ACTR3C: variants seen among roughly 807,000 people sequenced by gnomAD.
ACTR3C encodes the protein actin-related protein 3C.
A neutral mutation model predicts 26.3 loss-of-function variants in ACTR3C; 18 were observed. The observed-to-expected ratio is 0.68, with a 90% CI of 0.47 to 1.01. The LOEUF is 1.01. ACTR3C is among the 50% of genes least tolerant of loss of function. The probability of loss-of-function intolerance (pLI) is 0.00; values close to 1 mark genes in which losing one functional copy is unlikely to be tolerated. For synonymous variants in ACTR3C, 55 were observed against 94.5 expected (o/e 0.58, Z 2.42); for missense variants, 184 against 250.7 (o/e 0.73, Z 1.80).
At chr7:150,160,706 C>A in the ACTR3C span, among the ~76,000 whole-genome samples, 1 of 151,902 alleles carries the variant, frequency 6.6e-6, no homozygotes, top group Non-Finnish European at 1.5e-5. Context: ...CCCTGAATTG[C>A]AGGAGCTTAG....
At chr7:150,160,761 C>T in the ACTR3C span, among the ~76,000 whole-genome samples, 1 of 151,932 alleles carries the variant, frequency 6.6e-6, no homozygotes, top group African/African-American at 2.4e-5. Flanking sequence ...ACCTCCTTCA[C>T]CTGTGTTCCT....
At chr7:149,999,866 T>C in the ACTR3C span, among the ~76,000 whole-genome samples, 2 of 152,222 alleles carry the variant, frequency 1.3e-5, no homozygotes, top group Middle Eastern at 3.4e-3. Context: ...CCAGCCTTGC[T>C]ACACAACCAT....
At chr7:150,321,133 A>T (rs1265134857) in intron 1 of ACTR3C, among the ~76,000 whole-genome samples, 1 of 152,180 alleles carries the variant, frequency 6.6e-6, no homozygotes, top group African/African-American at 2.4e-5. Flanking sequence ...GCTTGTGTTC[A>T]GCAAAAATCT....
the ACTR3C span, among the ~76,000 whole-genome samples, chr7:149,926,867 A>T: frequency 2.2e-4 from 34 of 152,044 alleles, no homozygotes; most frequent in Middle Eastern, 0.014. Context: ...AGAGACCGAA[A>T]AAAATAAATG....
At chr7:150,192,437 G>A in the ACTR3C span, among the ~76,000 whole-genome samples, 8 of 152,156 alleles carry the variant, frequency 5.3e-5, no homozygotes, top group African/African-American at 1.4e-4. Flanking sequence ...AAGTAGCTAC[G>A]ATTGCAGGTG....
chr7:150,273,029 G>T (rs2129611125), intron 6 of ACTR3C, among the ~76,000 whole-genome samples: 1 of 142,068 alleles, frequency 7.0e-6, no homozygotes, highest in South Asian at 2.4e-4. Context: ...GGAAGAGTAA[G>T]TAAACATTTT....
intron 6 of ACTR3C, among the ~76,000 whole-genome samples, chr7:150,250,351 C>A (rs1046866976): frequency 2.0e-5 from 3 of 151,524 alleles, no homozygotes; most frequent in African/African-American, 7.3e-5. Flanking sequence ...CCACAGGCGC[C>A]CGCCACTACA....
chr7:150,198,528 C>T, the ACTR3C span, among the ~76,000 whole-genome samples: 128 of 145,058 alleles, frequency 8.8e-4, 1 homozygote, highest in African/African-American at 3.2e-3. Context: ...CGCCTCTGCC[C>T]GGCCGAGACC....
At chr7:150,300,208 A>T (rs1237117921) in intron 1 of ACTR3C, among the ~76,000 whole-genome samples, 5 of 152,020 alleles carry the variant, frequency 3.3e-5, no homozygotes, top group African/African-American at 1.2e-4. Context: ...AAAATTAGCC[A>T]GGCTTGGTGG....
intron 1 of ACTR3C, among the ~76,000 whole-genome samples, chr7:150,306,081 A>G (rs1390211858): frequency 1.3e-5 from 2 of 152,220 alleles, no homozygotes; most frequent in African/African-American, 4.8e-5. Flanking sequence ...AGCACACCAC[A>G]TGTAATACGA....
chr7:149,965,801 T>C, the ACTR3C span, among the ~76,000 whole-genome samples: 1 of 152,226 alleles, frequency 6.6e-6, no homozygotes, highest in African/African-American at 2.4e-5. Context: ...TCCAAACTTA[T>C]TAGATCATCT....
the ACTR3C span, among the ~76,000 whole-genome samples, chr7:149,999,727 C>T: frequency 6.6e-6 from 1 of 151,146 alleles, no homozygotes. Context: ...GCAGGCTGTG[C>T]AGTGTGGAGA....
chr7:149,999,978 T>C, the ACTR3C span, among the ~76,000 whole-genome samples: 8 of 150,344 alleles, frequency 5.3e-5, no homozygotes, highest in African/African-American at 1.5e-4. Flanking sequence ...TGGAATAATA[T>C]AGAAAGAATA....
At chr7:149,917,633 A>ATT in the ACTR3C span, among the ~76,000 whole-genome samples, 1 of 30,244 alleles carries the variant, frequency 3.3e-5, no homozygotes, top group African/African-American at 9.6e-5. Flanking sequence ...AGTGTTTTAC[A>ATT]TCTTTTTTTT....
chr7:150,276,626 A>T (rs1258957237), intron 6 of ACTR3C, among the ~76,000 whole-genome samples: 3 of 152,234 alleles, frequency 2.0e-5, no homozygotes, highest in Non-Finnish European at 4.4e-5. Flanking sequence ...ATGGGAAGAG[A>T]CATAACAATT....
chr7:150,161,221 T>TATATATATATATATATAC, the ACTR3C span, among the ~76,000 whole-genome samples: 1 of 125,640 alleles, frequency 8.0e-6, no homozygotes, highest in Non-Finnish European at 1.6e-5. Context: ...TATATATATA[T>TATATATATATATATATAC]ATATTTATTA....
At chr7:149,955,575 T>C in the ACTR3C span, among the ~76,000 whole-genome samples, 8 of 152,178 alleles carry the variant, frequency 5.3e-5, no homozygotes, top group African/African-American at 1.9e-4. Context: ...GTAAGGTGCA[T>C]ACGGTGTTTT....
chr7:150,179,607 TC>T, the ACTR3C span, among the ~76,000 whole-genome samples: 8 of 149,674 alleles, frequency 5.3e-5, no homozygotes, highest in Non-Finnish European at 1.2e-4. Flanking sequence ...CACCTTAGCC[TC>T]CCAAGTAGCT....
the ACTR3C span, among the ~76,000 whole-genome samples, chr7:150,229,620 G>A: frequency 2.0e-5 from 3 of 151,540 alleles, no homozygotes; most frequent in Non-Finnish European, 4.4e-5. Flanking sequence ...GAGTAGCTGG[G>A]ACTACAGGCG....
Sources: gnomAD v4.1 joint callset for allele counts (sites outside exome capture counted in the v4.1 genomes callset) on GRCh38, gnomAD v4.1.1 for gene constraint, MANE v1.5 for transcripts, NCBI Gene and HGNC (gene_info 2026-07-23, HGNC 2026-07-21) for gene names.